The following ITPR2 variants were observed in gnomAD, a reference collection of about 807,000 sequenced individuals.
The protein encoded by ITPR2 is inositol 1,4,5-trisphosphate receptor type 2.
ITPR2 carries 207 observed loss-of-function variants against 317.1 expected under a neutral mutation model. That is an observed-to-expected ratio of 0.65 (90% CI 0.58 to 0.73). ITPR2 has a LOEUF of 0.73. ITPR2 is among the 30% of genes least tolerant of loss of function. ITPR2 has a pLI of 0.00. For missense variants in ITPR2, 2,613 were observed against 3,284.0 expected (o/e 0.80, Z 4.99); for synonymous variants, 1,156 against 1,149.1 (o/e 1.01, Z -0.12).
chr12:26,467,225 T>C (rs1487318771), intron 45 of ITPR2, among the ~76,000 whole-genome samples: 3 of 152,174 alleles, frequency 2.0e-5, no homozygotes, highest in Non-Finnish European at 4.4e-5. Flanking sequence ...TAGTTAGTTA[T>C]TAGAAACAGA....
intron 45 of ITPR2, among the ~76,000 whole-genome samples, chr12:26,455,080 A>G (rs1941847632): frequency 6.6e-6 from 1 of 152,104 alleles, no homozygotes; most frequent in Non-Finnish European, 1.5e-5. Flanking sequence ...TGAAATTATA[A>G]TGATGAGTTC....
Position 26,695,642 on chromosome 12 carries a change from A to C in ITPR2, c.960T>G (p.Pro320=), listed in dbSNP as rs1393288002. The C allele has an allele frequency of 6.2e-7, 1 of 1,612,594 alleles. No homozygotes were observed. Among genetic ancestry groups the C allele is most frequent in the African/African-American group, 1.3e-5 (1 of 75,012 alleles). Residue 320 remains proline, a synonymous_variant, in exon 10 of 57, where the codon CCT becomes CCG. Coordinates refer to ENST00000381340, the MANE Select transcript of ITPR2 (RefSeq NM_002223.4). ...TGNYLAAELN[P]DYRDAQNEGK... is the part of the protein sequence containing the mutation. ...CTTCATTTTGGGCATCTCGATAATC[A>C]GGATTAAGCTAGAAAAACAAAGGAA...
chr12:26,425,417 C>T (rs957595943), intron 49 of ITPR2, among the ~76,000 whole-genome samples: 1 of 151,972 alleles, frequency 6.6e-6, no homozygotes, highest in African/African-American at 2.4e-5. Flanking sequence ...GCATGTAATC[C>T]CAGCACTTTG....
intron 55 of ITPR2, among the ~76,000 whole-genome samples, chr12:26,386,195 A>G (rs1565498693): frequency 6.6e-6 from 1 of 152,214 alleles, no homozygotes; most frequent in East Asian, 1.9e-4. Context: ...ATGACCATGA[A>G]TATATATCCT....
chr12:26,393,791 C>T (rs1027307994), intron 54 of ITPR2, among the ~76,000 whole-genome samples: 2 of 152,300 alleles, frequency 1.3e-5, no homozygotes, highest in African/African-American at 4.8e-5. Flanking sequence ...GGGCAGCACT[C>T]CACAGAAACA....
chr12:26,635,720 A>G (rs1239268679), intron 21 of ITPR2, among the ~76,000 whole-genome samples: 1 of 152,222 alleles, frequency 6.6e-6, no homozygotes, highest in Non-Finnish European at 1.5e-5. Context: ...AAGTCTTCCT[A>G]TTTCCCATCC....
intron 28 of ITPR2, 55 bp downstream of exon 28, chr12:26,602,315 A>G: frequency 6.4e-7 from 1 of 1,555,938 alleles, no homozygotes. Flanking sequence ...TTTGCAAAAC[A>G]TTTGAAATTG....
chr12:26,629,366 C>T (rs545661838), intron 22 of ITPR2, among the ~76,000 whole-genome samples: 75 of 152,080 alleles, frequency 4.9e-4, no homozygotes, highest in Admixed American at 9.8e-4. Context: ...ACAAAGGGAT[C>T]GCTTGACCTC....
intron 55 of ITPR2, among the ~76,000 whole-genome samples, chr12:26,356,395 C>T (rs549198827): frequency 6.6e-6 from 1 of 152,236 alleles, no homozygotes; most frequent in South Asian, 2.1e-4. Context: ...ATGATGAAGC[C>T]CAGCCATGGA....
In ITPR2 at chr12:26,658,135, C is replaced by T; in HGVS notation, c.1887-5G>A. 1 of 1,528,334 alleles carries T rather than the reference C, an allele frequency of 6.5e-7. No homozygotes were observed. The highest frequency in any genetic ancestry group is 8.8e-7 in the Non-Finnish European group (1 of 1,138,610). 94.7% of individuals were successfully genotyped at this position (1,528,334 alleles called of 1,614,324 possible). A position where few individuals can be genotyped will look rare whatever the true frequency, so the allele number is the denominator to read the frequency against. ...TCTGACAAATAATCCAAAAACCTGGCAAAAGAAAAAAATTAAATGGAATAT... is the reference window on the plus strand; with the variant it reads ...TCTGACAAATAATCCAAAAACCTGGTAAAAGAAAAAAATTAAATGGAATAT... On this transcript the variant is annotated splice_region_variant and splice_polypyrimidine_tract_variant and intron_variant, in intron 16 of 56. Coordinates refer to ENST00000381340, the MANE Select transcript of ITPR2 (RefSeq NM_002223.4).
chr12:26,624,107 C>A (rs1375792936), intron 24 of ITPR2, among the ~76,000 whole-genome samples, 192 bp downstream of exon 24: 1 of 151,904 alleles, frequency 6.6e-6, no homozygotes, highest in Non-Finnish European at 1.5e-5. Flanking sequence ...CTTTTTTTTA[C>A]CTGACCTAAA....
chr12:26,624,395 T>A (rs764704311), intron 23 of ITPR2, 39 bp from the exon 24 acceptor site: 4 of 1,417,584 alleles, frequency 2.8e-6, no homozygotes, highest in Non-Finnish European at 3.9e-6. Context: ...TTTATCCTAT[T>A]TTAATTAGGA....
At chr12:26,725,869 G>C (rs1948910975) in intron 2 of ITPR2, 104 bp from the exon 3 acceptor site, 1 of 735,296 alleles carries the variant, frequency 1.4e-6, no homozygotes, top group Non-Finnish European at 2.3e-6. Flanking sequence ...TGATTATACA[G>C]AACAGTTAAA....
intron 50 of ITPR2, 63 bp downstream of exon 50, chr12:26,418,986 C>A: frequency 7.3e-7 from 1 of 1,363,770 alleles, no homozygotes; most frequent in Non-Finnish European, 9.9e-7. Context: ...AAGGAAGAGG[C>A]ATAAGAAGCA....
chr12:26,769,251 C>G (rs1412729373), intron 2 of ITPR2, among the ~76,000 whole-genome samples: 1 of 152,156 alleles, frequency 6.6e-6, no homozygotes, highest in Non-Finnish European at 1.5e-5. Flanking sequence ...CCACCTTATT[C>G]TTTAAAAGAC....
chr12:26,466,916 T>C (rs1045747966), intron 45 of ITPR2, among the ~76,000 whole-genome samples: 1 of 152,190 alleles, frequency 6.6e-6, no homozygotes, highest in African/African-American at 2.4e-5. Context: ...ATAATAAAGA[T>C]GAGGTAATTG....
chr12:26,810,004 T>C (rs942190492), intron 1 of ITPR2, among the ~76,000 whole-genome samples: 1 of 152,220 alleles, frequency 6.6e-6, no homozygotes. Context: ...GATTGTACAC[T>C]AAGGGCTTTG....
At chr12:26,677,007 T>C (rs932960862) in intron 13 of ITPR2, among the ~76,000 whole-genome samples, 14 of 152,160 alleles carry the variant, frequency 9.2e-5, no homozygotes, top group Non-Finnish European at 1.3e-4. Flanking sequence ...GCGGCACTTT[T>C]CTTTCATGGG....
In ITPR2 at chr12:26,581,337, T is replaced by A. The variant is rs7308716; in HGVS notation, c.4381-1182A>T. On this transcript the variant is annotated intron_variant, in intron 32 of 56. Coordinates refer to ENST00000381340, the MANE Select transcript of ITPR2 (RefSeq NM_002223.4). ...GAAAGAGAACAGGGTTTGTTTTGCA[T>A]CTAAGTCACTTCCCATCTGAGCAGT... Among the ~76,000 whole-genome samples, 744 of 152,266 alleles carry A rather than the reference T, an allele frequency of 4.9e-3. 12 individuals carry two copies. Among genetic ancestry groups the A allele is most frequent in the African/African-American group, 0.017 (693 of 41,570 alleles).
Sources: gnomAD v4.1 joint callset for allele counts (sites outside exome capture counted in the v4.1 genomes callset) on GRCh38, gnomAD v4.1.1 for gene constraint, MANE v1.5 for transcripts, NCBI Gene and HGNC (gene_info 2026-07-23, HGNC 2026-07-21) for gene names.